SYT11: variants seen among roughly 807,000 people sequenced by gnomAD.
The protein encoded by SYT11 is synaptotagmin-11.
In SYT11, 12 loss-of-function variants were observed where a neutral mutation model predicts 30.4. The observed-to-expected ratio is 0.39, with a 90% CI of 0.25 to 0.64. The LOEUF is 0.64. Ranked by LOEUF, SYT11 falls within the 30% of genes least tolerant of loss-of-function variation. The pLI, the probability that SYT11 is intolerant of heterozygous loss-of-function variation, is 0.45. For synonymous variants in SYT11, 204 were observed against 216.0 expected (o/e 0.94, Z 0.49); for missense variants, 412 against 552.0 (o/e 0.75, Z 2.54).
chr1:155,873,553 T>G lies in SYT11; in HGVS notation c.861+4762T>G, dbSNP rs188580748. ...CAGTATTGAAGGATGGCCCCAGAAA[T>G]GGATATATCAAACCTAGCTAACATT... is the stretch of plus-strand genomic sequence containing the variant. On this transcript the variant is annotated intron_variant, in intron 2 of 3. Transcript: ENST00000368324. Among the ~76,000 whole-genome samples, 8 of 152,274 alleles carry G rather than the reference T, an allele frequency of 5.3e-5. No homozygotes were observed. In the East Asian group the frequency reaches 1.3e-3, roughly 26 times the overall value.
At chr1:155,879,374 G>A (rs769715281) in intron 2 of SYT11, among the ~76,000 whole-genome samples, 45 of 151,566 alleles carry the variant, frequency 3.0e-4, no homozygotes, top group Non-Finnish European at 5.3e-4. Context: ...CCGAGATCAC[G>A]CCACTGCACT....
At chr1:155,880,368 T>G in intron 2 of SYT11, 132 bp from the exon 3 acceptor site, 7 of 983,456 alleles carry the variant, frequency 7.1e-6, no homozygotes, top group East Asian at 2.7e-5. Flanking sequence ...TTCCAGGGGA[T>G]GAGCATCTTT....
intron 2 of SYT11, among the ~76,000 whole-genome samples, chr1:155,875,249 C>CAAAAA (rs765396768): frequency 1.1e-5 from 1 of 88,380 alleles, no homozygotes; most frequent in Admixed American, 1.3e-4. Flanking sequence ...GACTTCATCT[C>CAAAAA]AAAAAAAAAA....
chr1:155,876,333 C>T (rs1672860807), intron 2 of SYT11, among the ~76,000 whole-genome samples: 1 of 150,700 alleles, frequency 6.6e-6, no homozygotes, highest in South Asian at 2.1e-4. Context: ...GCAAGCTCCG[C>T]CTCCCAGGTT....
At chr1:155,869,940 G>A (rs947553849) in intron 2 of SYT11, among the ~76,000 whole-genome samples, 9 of 152,182 alleles carry the variant, frequency 5.9e-5, no homozygotes, top group Non-Finnish European at 1.3e-4. Context: ...TGTGACACGG[G>A]TGAGTTACTC....
chr1:155,861,080 A>G (rs1311436209), intron 1 of SYT11, among the ~76,000 whole-genome samples: 1 of 152,192 alleles, frequency 6.6e-6, no homozygotes, highest in Non-Finnish European at 1.5e-5. Context: ...TAAGAGGTAC[A>G]GTGAAATGAG....
At position 155,867,980 on chromosome 1, in the gene SYT11, T is replaced by C; in HGVS notation, c.50T>C (p.Val17Ala). The C allele has an allele frequency of 6.2e-7, 1 of 1,609,886 alleles. No individual in the cohort carries two copies. Among genetic ancestry groups the C allele is most frequent in the South Asian group, 1.1e-5 (1 of 90,896 alleles). ...IRPSFDVSPV[V>A]AGLIGASVLV... is the part of the protein sequence containing the mutation. ...CCGCCTTCAGATGTGTCACCGGTGG[T>C]GGCCGGCCTCATCGGGGCCTCTGTG... The change falls in exon 2 of 4, where the codon GTG becomes GCG. Residue 17 changes from valine (V) to alanine (A), a missense_variant. Transcript: ENST00000368324.
intron 2 of SYT11, among the ~76,000 whole-genome samples, chr1:155,875,130 G>A (rs1672840913): frequency 6.9e-6 from 1 of 144,330 alleles, no homozygotes; most frequent in African/African-American, 2.5e-5. Context: ...ACATGTGCCT[G>A]TAGTCCCAGC....
chr1:155,867,867 GA>G, intron 1 of SYT11, 97 bp from the exon 2 acceptor site: 1 of 947,628 alleles, frequency 1.1e-6, no homozygotes, highest in Non-Finnish European at 1.6e-6. Flanking sequence ...AGGCTAGATT[GA>G]AGATTAGCTT....
At chr1:155,862,465 C>T (rs749409366) in intron 1 of SYT11, among the ~76,000 whole-genome samples, 9 of 152,114 alleles carry the variant, frequency 5.9e-5, no homozygotes, top group Non-Finnish European at 8.8e-5. Context: ...GAAACAAGGC[C>T]AGGGGGAACA....
chr1:155,868,497 C>T lies in SYT11; in HGVS notation c.567C>T (p.Asp189=), dbSNP rs1272849582. The change falls in exon 2 of 4, where the codon GAC becomes GAT. Residue 189 remains aspartate (D), a synonymous_variant. Coordinates refer to ENST00000368324, the MANE Select transcript of SYT11 (RefSeq NM_152280.5). This position sits in a 1 kb window ranked among gnomAD's most constrained non-coding sequence, Gnocchi z 4.7. ...CCCATGGGCTGCCAGTGATGGATGA[C>T]CAGACCCAGGGATCTGACCCCTACA... ...QEAHGLPVMD[D]QTQGSDPYIK... The T allele has an allele frequency of 6.2e-7, 1 of 1,614,116 alleles. No individual in the cohort carries two copies.
Position 155,876,332 on chromosome 1 carries a change from G to A in SYT11, c.862-4168G>A, listed in dbSNP as rs190613167. ...GCGATCTCGGCTCAATGCAAGCTCC[G>A]CCTCCCAGGTTCACGCCATTCTCCT... On this transcript the variant is annotated intron_variant, in intron 2 of 3. Transcript: ENST00000368324. 1.8e-4 allele frequency among the ~76,000 whole-genome samples: 24 copies of A among 130,300 alleles called. No homozygotes were observed. The East Asian group carries it at 6.4e-3, about 35-fold the overall frequency. The allele number at this position is 130,300 out of a possible 152,430, so 85.5% of individuals were successfully genotyped here.
At chr1:155,869,298 T>G (rs1672745322) in intron 2 of SYT11, among the ~76,000 whole-genome samples, 1 of 141,398 alleles carries the variant, frequency 7.1e-6, no homozygotes, top group Non-Finnish European at 1.5e-5. Flanking sequence ...GAGACAGAGT[T>G]TCACTCTTGT....
intron 1 of SYT11, among the ~76,000 whole-genome samples, chr1:155,861,243 C>G (rs79970127): frequency 0.015 from 2,212 of 152,294 alleles, 61 homozygotes; most frequent in African/African-American, 0.051. Flanking sequence ...CTTCACCTTC[C>G]GCATCTTTAT....
rs941152340 is a variant in SYT11 at position 155,882,723 on chromosome 1, G to A, written c.*1215G>A. On this transcript the variant is annotated 3_prime_UTR_variant, in exon 4 of 4. Transcript: ENST00000368324. ...AGGACAAGGAGAGGAGACAAGTGAC[G>A]ACAGCCATTCCCCTTTGCAGCTATC... 3 of 152,334 alleles carry A rather than the reference G, an allele frequency of 2.0e-5. No individual in the cohort carries two copies. Among genetic ancestry groups the A allele is most frequent in the Admixed American group, 2.0e-4 (3 of 15,264 alleles). 9.4% of individuals were successfully genotyped at this position (152,334 alleles called of 1,614,324 possible).
intron 1 of SYT11, among the ~76,000 whole-genome samples, chr1:155,866,007 A>G (rs552673826): frequency 6.6e-6 from 1 of 152,112 alleles, no homozygotes. Context: ...TTTAGCCTCA[A>G]TGAACTTGAG....
rs763904075 is a variant in SYT11 at position 155,884,895 on chromosome 1, C to T, written c.*3387C>T. The T allele has an allele frequency of 6.5e-6, 1 of 152,704 alleles. No individual in the cohort carries two copies. The allele number at this position is 152,704 out of a possible 1,614,324, so 9.5% of individuals were successfully genotyped here. On this transcript the variant is annotated 3_prime_UTR_variant, in exon 4 of 4. Transcript: ENST00000368324. Reference sequence around the variant, plus strand: ...GCAGCTTGCTCAGGAGAGGGAATAACGCAGGTCCCTTTTCTTGGAAGGCTT... The same window carrying T: ...GCAGCTTGCTCAGGAGAGGGAATAATGCAGGTCCCTTTTCTTGGAAGGCTT...
intron 1 of SYT11, among the ~76,000 whole-genome samples, chr1:155,867,110 T>G (rs569723907): frequency 5.3e-5 from 8 of 151,564 alleles, no homozygotes; most frequent in South Asian, 2.1e-4. Flanking sequence ...CAGGCTGGAA[T>G]GCAGTGGCAC....
chr1:155,862,575 C>G (rs1389901055), intron 1 of SYT11, among the ~76,000 whole-genome samples: 2 of 152,198 alleles, frequency 1.3e-5, no homozygotes, highest in Non-Finnish European at 2.9e-5. Flanking sequence ...TCTACCCTAT[C>G]TCCATTTTCT....
Sources: allele counts gnomAD v4.1 joint callset (sites outside exome capture counted in the v4.1 genomes callset), GRCh38; gene constraint gnomAD v4.1.1; non-coding constraint Gnocchi (gnomAD v3.1); transcripts MANE v1.5; gene names NCBI Gene and HGNC (gene_info 2026-07-23, HGNC 2026-07-21).